The following BCOR variants were observed in gnomAD, a reference collection of about 807,000 sequenced individuals.
The protein encoded by BCOR is BCL-6 corepressor.
A neutral mutation model predicts 86.7 loss-of-function variants in BCOR; 10 were observed. The observed-to-expected ratio is 0.12, with a 90% CI of 0.07 to 0.20. The LOEUF is 0.20. BCOR is among the 10% of genes least tolerant of loss of function. The pLI, the probability that BCOR is intolerant of heterozygous loss-of-function variation, is 1.00. For synonymous variants in BCOR, 611 were observed against 609.0 expected (o/e 1.00, Z -0.05); for missense variants, 1,259 against 1,452.1 (o/e 0.87, Z 2.16).
chrX:40,071,574 G>C (rs1935482370), intron 5 of BCOR, 63 bp downstream of exon 5: 1 of 846,438 alleles, frequency 1.2e-6, no homozygotes, highest in Admixed American at 2.3e-5. Context: ...TGTATATTTG[G>C]AAATGAAATT....
chrX:40,066,539 A>G (rs1371879804), intron 6 of BCOR, among the ~76,000 whole-genome samples: 1 of 111,361 alleles, frequency 9.0e-6, no homozygotes, highest in Non-Finnish European at 1.9e-5. Flanking sequence ...AAAGGACGCT[A>G]TGATCCCCAG....
chrX:40,104,872 G>C (rs957976480), intron 1 of BCOR, among the ~76,000 whole-genome samples: 7 of 112,035 alleles, frequency 6.2e-5, no homozygotes, highest in Non-Finnish European at 1.3e-4. Context: ...CCATTAGTCA[G>C]CCCGAGTTCC....
intron 1 of BCOR, among the ~76,000 whole-genome samples, chrX:40,089,686 G>A (rs749914853): frequency 2.3e-4 from 26 of 111,321 alleles, no homozygotes; most frequent in Non-Finnish European, 3.4e-4. Flanking sequence ...AAGGTGGGTC[G>A]ACTCCTTTCA....
chrX:40,065,523 G>A (rs935245365), intron 6 of BCOR, among the ~76,000 whole-genome samples: 4 of 112,134 alleles, frequency 3.6e-5, no homozygotes, highest in African/African-American at 9.7e-5. Flanking sequence ...AAAACCGCTC[G>A]TTCCAGGAAC....
intron 1 of BCOR, among the ~76,000 whole-genome samples, chrX:40,081,922 C>T (rs1456816869): frequency 8.9e-6 from 1 of 112,410 alleles, no homozygotes; most frequent in Non-Finnish European, 1.9e-5. Flanking sequence ...GAGAAGCAGG[C>T]GTGCACACTG....
chrX:40,096,645 G>A (rs748416167), intron 1 of BCOR, among the ~76,000 whole-genome samples: 1 of 111,922 alleles, frequency 8.9e-6, no homozygotes, highest in South Asian at 3.7e-4. Context: ...ACACACCCTC[G>A]CGCACGCACA....
intron 1 of BCOR, among the ~76,000 whole-genome samples, chrX:40,137,874 C>A (rs1198498695): frequency 8.9e-6 from 1 of 111,881 alleles, no homozygotes; most frequent in African/African-American, 3.2e-5. Context: ...GCTCTTTCTT[C>A]AAAGATGGTT....
intron 6 of BCOR, among the ~76,000 whole-genome samples, chrX:40,070,658 G>A (rs928798387): frequency 4.5e-5 from 5 of 111,811 alleles, no homozygotes; most frequent in Admixed American, 2.8e-4. Flanking sequence ...TCACCACAGG[G>A]GTGGGGCAGG....
At chrX:40,113,121 C>A (rs1044652116) in intron 1 of BCOR, among the ~76,000 whole-genome samples, 4 of 108,072 alleles carry the variant, frequency 3.7e-5, no homozygotes, top group African/African-American at 6.8e-5. Context: ...CTAGCAATCT[C>A]TGTGCTGCCA....
intron 1 of BCOR, among the ~76,000 whole-genome samples, chrX:40,116,094 G>C (rs1340492084): frequency 8.9e-6 from 1 of 111,770 alleles, no homozygotes; most frequent in Non-Finnish European, 1.9e-5. Context: ...AGTCACTAAT[G>C]TTCTTCAGCT....
chrX:40,155,037 CG>C (rs1938258554), intron 1 of BCOR, among the ~76,000 whole-genome samples: 1 of 107,081 alleles, frequency 9.3e-6, no homozygotes, highest in Admixed American at 9.6e-5. Context: ...GCAGTGCGCC[CG>C]GGGCTGGGGG....
At chrX:40,141,617 C>T (rs895552275) in intron 1 of BCOR, among the ~76,000 whole-genome samples, 3 of 111,387 alleles carry the variant, frequency 2.7e-5, no homozygotes, top group African/African-American at 9.8e-5. Context: ...AGAGAGCCTA[C>T]ATTTGTCCAG....
intron 1 of BCOR, among the ~76,000 whole-genome samples, chrX:40,142,802 G>C (rs190625001): frequency 1.4e-4 from 16 of 111,695 alleles, no homozygotes; most frequent in African/African-American, 4.2e-4. Context: ...TGCACTCCAA[G>C]GCTCTGCTGA....
At chrX:40,068,750 C>G (rs895372806) in intron 6 of BCOR, among the ~76,000 whole-genome samples, 1 of 113,427 alleles carries the variant, frequency 8.8e-6, no homozygotes, top group South Asian at 3.6e-4. Flanking sequence ...ACACTCCTAA[C>G]TCATTTGTTC....
intron 14 of BCOR, among the ~76,000 whole-genome samples, chrX:40,053,369 T>C (rs773741200): frequency 6.2e-5 from 7 of 112,030 alleles, no homozygotes; most frequent in East Asian, 2.8e-4. Context: ...CCCAAGATGA[T>C]TGGTCACTGG....
chrX:40,071,180 GA>G lies in BCOR; in HGVS notation c.3052-22del, dbSNP rs374448325. ...GCACGCTAGAAAGAGAACGGAGATG[GA>G]AAAAAAAAAAAACAACACCTTACCA... On this transcript the variant is annotated intron_variant, in intron 5 of 14. Transcript: ENST00000378444. The G allele has an allele frequency of 0.028, 22,304 of 792,791 alleles. No homozygotes were observed. The highest frequency in any genetic ancestry group is 0.033 in the Admixed American group (909 of 27,165). 65.3% of individuals were successfully genotyped at this position (792,791 alleles called of 1,213,427 possible). A position where few individuals can be genotyped will look rare whatever the true frequency, so the allele number is the denominator to read the frequency against.
chrX:40,102,558 C>T (rs1362749845), upstream of BCOR, among the ~76,000 whole-genome samples: 1 of 113,937 alleles, frequency 8.8e-6, no homozygotes, highest in African/African-American at 3.2e-5. Flanking sequence ...ATATTTTACC[C>T]GGCTGGGGGC....
At chrX:40,095,699 T>A (rs1315461029) in intron 1 of BCOR, among the ~76,000 whole-genome samples, 1 of 112,074 alleles carries the variant, frequency 8.9e-6, no homozygotes, top group African/African-American at 3.2e-5. Context: ...TGTTTCTAAA[T>A]ACACATAACC....
In BCOR at chrX:40,073,660, C is replaced by T. The variant is rs774033148; in HGVS notation, c.1686G>A (p.Ser562=). The T allele has an allele frequency of 1.2e-5, 15 of 1,211,443 alleles. No homozygotes were observed. The highest frequency in any genetic ancestry group is 1.1e-4 in the Admixed American group (5 of 46,067). Residue 562 remains serine (S), a synonymous_variant, in exon 4 of 15, where the codon TCG becomes TCA. Coordinates refer to ENST00000378444, the MANE Select transcript of BCOR (RefSeq NM_001123385.2). ...ATGCGGAGGCTGGGCGGCCTGCACT[C>T]GACACTGACCCTGAAACGTTAGTGA... ...AVITNVSGSV[S]SAGRPASASP... is the part of the protein sequence containing the mutation.
Sources: allele counts gnomAD v4.1 joint callset (sites outside exome capture counted in the v4.1 genomes callset), GRCh38; gene constraint gnomAD v4.1.1; transcripts MANE v1.5; gene names NCBI Gene and HGNC (gene_info 2026-07-23, HGNC 2026-07-21).